SCAPER: variants seen among roughly 807,000 people sequenced by gnomAD.
SCAPER encodes S phase cyclin A-associated protein in the endoplasmic reticulum.
In SCAPER, 98 loss-of-function variants were observed where a neutral mutation model predicts 182.2. That is an observed-to-expected ratio of 0.54 (90% CI 0.46 to 0.64). SCAPER has a LOEUF of 0.64. SCAPER is among the 30% of genes least tolerant of loss of function. SCAPER has a pLI of 0.00. For synonymous variants in SCAPER, 605 were observed against 564.6 expected (o/e 1.07, Z -1.01); for missense variants, 1,432 against 1,690.0 (o/e 0.85, Z 2.68).
chr15:76,814,229 T>C (rs2066894554), intron 5 of SCAPER, among the ~76,000 whole-genome samples: 1 of 152,170 alleles, frequency 6.6e-6, no homozygotes, highest in African/African-American at 2.4e-5. Flanking sequence ...CAAATTGTAC[T>C]GGCATTTTTC....
intron 29 of SCAPER, among the ~76,000 whole-genome samples, chr15:76,355,721 A>C (rs1372074431): frequency 6.6e-6 from 1 of 152,240 alleles, no homozygotes; most frequent in Admixed American, 6.5e-5. Context: ...ATCAGCACAG[A>C]ACATGAAGAG....
At chr15:76,476,217 G>A (rs903224411) in intron 24 of SCAPER, among the ~76,000 whole-genome samples, 17 of 152,136 alleles carry the variant, frequency 1.1e-4, no homozygotes, top group East Asian at 1.9e-4. Flanking sequence ...CTAATTTCTC[G>A]TCTGTAGCTT....
chr15:76,759,907 C>T (rs139799656), intron 14 of SCAPER, among the ~76,000 whole-genome samples: 7 of 152,184 alleles, frequency 4.6e-5, no homozygotes, highest in Admixed American at 2.0e-4. Context: ...TCTGGAATAC[C>T]GGTCTGTAGT....
chr15:76,555,152 A>G (rs1247058273), intron 23 of SCAPER, among the ~76,000 whole-genome samples: 1 of 152,200 alleles, frequency 6.6e-6, no homozygotes, highest in Non-Finnish European at 1.5e-5. Context: ...TTCATAAGCC[A>G]AAGAGAAATA....
At chr15:76,587,898 T>G (rs1210968894) in intron 22 of SCAPER, among the ~76,000 whole-genome samples, 1 of 151,944 alleles carries the variant, frequency 6.6e-6, no homozygotes, top group Non-Finnish European at 1.5e-5. Context: ...ATTACTGTGC[T>G]ACTGTCTTTC....
intron 23 of SCAPER, among the ~76,000 whole-genome samples, chr15:76,536,478 C>T (rs935404627): frequency 6.6e-6 from 1 of 152,208 alleles, no homozygotes; most frequent in African/African-American, 2.4e-5. Context: ...CAGCATTATA[C>T]AGTTAATGGT....
intron 22 of SCAPER, among the ~76,000 whole-genome samples, chr15:76,578,670 G>A (rs1250482594): frequency 6.6e-6 from 1 of 152,218 alleles, no homozygotes; most frequent in Non-Finnish European, 1.5e-5. Flanking sequence ...TCCCCCAAAT[G>A]CAGATATAAC....
intron 25 of SCAPER, among the ~76,000 whole-genome samples, chr15:76,455,640 T>A (rs186951257): frequency 6.6e-6 from 1 of 152,302 alleles, no homozygotes. Flanking sequence ...ACACCTAGTA[T>A]TTTTTAACTT....
chr15:76,387,334 G>C (rs541133263), intron 27 of SCAPER, among the ~76,000 whole-genome samples: 9 of 152,334 alleles, frequency 5.9e-5, no homozygotes, highest in African/African-American at 1.9e-4. Context: ...TGGAAGTTGT[G>C]TGAAATAAGC....
chr15:76,507,136 T>A (rs1413279155), intron 23 of SCAPER, among the ~76,000 whole-genome samples: 2 of 152,142 alleles, frequency 1.3e-5, no homozygotes, highest in African/African-American at 4.8e-5. Context: ...GAAGAGAAGA[T>A]CTTTAAAGTG....
At chr15:76,786,688 AAGACATAC>A (rs2064635175) in intron 8 of SCAPER, among the ~76,000 whole-genome samples, 1 of 152,180 alleles carries the variant, frequency 6.6e-6, no homozygotes, top group Admixed American at 6.5e-5. Context: ...CATAGGAAAA[AAGACATAC>A]AGACAGGAAA....
chr15:76,802,023 A>G (rs1309695518), intron 6 of SCAPER, among the ~76,000 whole-genome samples: 1 of 152,110 alleles, frequency 6.6e-6, no homozygotes, highest in East Asian at 1.9e-4. Context: ...TTCCAATACA[A>G]TCCTCAACAC....
intron 23 of SCAPER, among the ~76,000 whole-genome samples, chr15:76,562,453 A>G (rs1246850091): frequency 2.0e-5 from 3 of 152,146 alleles, no homozygotes; most frequent in Admixed American, 2.0e-4. Context: ...CAGTAGAAAA[A>G]CGTGCAAAAG....
intron 21 of SCAPER, among the ~76,000 whole-genome samples, chr15:76,656,216 A>G (rs2055621067): frequency 6.6e-6 from 1 of 152,218 alleles, no homozygotes; most frequent in Non-Finnish European, 1.5e-5. Context: ...AGAAAAATCT[A>G]ACAAACAGGA....
In SCAPER at chr15:76,381,377, C is replaced by A; in HGVS notation, c.3705+1G>T. ...CATCGATATAAACCAATACTTGGTA[C>A]CTGAAAAGCAGGCAGATGAAGAGCT... On this transcript the variant is annotated splice_donor_variant, in intron 28 of 31. Transcript: ENST00000563290. LOFTEE classifies it high-confidence loss of function. 6.2e-7 allele frequency: 1 copy of A among 1,610,564 alleles called. No homozygotes were observed. Among genetic ancestry groups the A allele is most frequent in the Non-Finnish European group, 8.5e-7 (1 of 1,177,856 alleles).
At chr15:76,675,252 G>C (rs2057296984) in intron 20 of SCAPER, among the ~76,000 whole-genome samples, 1 of 152,154 alleles carries the variant, frequency 6.6e-6, no homozygotes, top group Non-Finnish European at 1.5e-5. Flanking sequence ...TGCCAAATAA[G>C]TAGATGAAAT....
At chr15:76,377,474 A>G (rs2042648632) in intron 28 of SCAPER, among the ~76,000 whole-genome samples, 1 of 152,224 alleles carries the variant, frequency 6.6e-6, no homozygotes, top group Admixed American at 6.5e-5. Flanking sequence ...GTCAAGGGGC[A>G]TGTAAGTTTG....
intron 5 of SCAPER, among the ~76,000 whole-genome samples, chr15:76,823,209 A>G (rs1417656297): frequency 6.6e-6 from 1 of 152,206 alleles, no homozygotes; most frequent in Non-Finnish European, 1.5e-5. Flanking sequence ...CTGTAATCCC[A>G]ACACCTTGGG....
intron 23 of SCAPER, among the ~76,000 whole-genome samples, chr15:76,552,525 C>T (rs1255877241): frequency 6.6e-6 from 1 of 152,022 alleles, no homozygotes; most frequent in Non-Finnish European, 1.5e-5. Flanking sequence ...CAACTGACTC[C>T]TGGGAAAAGG....
Sources: allele counts gnomAD v4.1 joint callset (sites outside exome capture counted in the v4.1 genomes callset), GRCh38; gene constraint gnomAD v4.1.1; transcripts MANE v1.5; gene names NCBI Gene and HGNC (gene_info 2026-07-23, HGNC 2026-07-21).